PDE1C: variants seen among roughly 807,000 people sequenced by gnomAD.
PDE1C encodes the protein dual specificity calcium/calmodulin-dependent 3',5'-cyclic nucleotide phosphodiesterase 1C.
Under a neutral mutation model 93.1 loss-of-function variants are expected in PDE1C, and 62 were observed. The observed-to-expected ratio is 0.67, with a 90% CI of 0.54 to 0.82. PDE1C has a LOEUF of 0.82. Ranked by LOEUF, PDE1C falls within the 40% of genes least tolerant of loss-of-function variation. The pLI is 0.00. For synonymous variants in PDE1C, 325 were observed against 310.1 expected (o/e 1.05, Z -0.50); for missense variants, 742 against 884.6 (o/e 0.84, Z 2.04).
At chr7:31,633,560 G>C in the PDE1C span, among the ~76,000 whole-genome samples, 3 of 152,176 alleles carry the variant, frequency 2.0e-5, no homozygotes, top group Non-Finnish European at 4.4e-5. Flanking sequence ...ACTGCTCTCT[G>C]GTCTGAACAA....
At position 31,918,312 on chromosome 7, in the gene PDE1C, T is replaced by A. The variant is rs548226010; in HGVS notation, c.129-37452A>T. 8.5e-5 allele frequency among the ~76,000 whole-genome samples: 13 copies of A among 152,318 alleles called. 1 individual carries two copies. The South Asian group carries it at 2.7e-3, about 32-fold the overall frequency. On this transcript the variant is annotated intron_variant, in intron 2 of 17. Transcript: ENST00000396191. ...GTTTTGGAAACAGAATACCTCACACTACACGAATAAAATTTGCAACAAACT... is the reference window on the plus strand; with the variant it reads ...GTTTTGGAAACAGAATACCTCACACAACACGAATAAAATTTGCAACAAACT...
the PDE1C span, among the ~76,000 whole-genome samples, chr7:31,663,060 A>G: frequency 6.6e-6 from 1 of 152,146 alleles, no homozygotes; most frequent in Non-Finnish European, 1.5e-5. Context: ...TGCCACTTAT[A>G]ACTCCCGGTG....
chr7:31,727,538 C>T, the PDE1C span, among the ~76,000 whole-genome samples: 41 of 152,242 alleles, frequency 2.7e-4, no homozygotes, highest in African/African-American at 9.6e-4. Context: ...ATTCCCAAGA[C>T]AAATAGTTGG....
At chr7:31,996,211 T>C (rs567534977) in intron 2 of PDE1C, among the ~76,000 whole-genome samples, 2 of 152,002 alleles carry the variant, frequency 1.3e-5, no homozygotes, top group African/African-American at 2.4e-5. Flanking sequence ...GGAAGAAACA[T>C]CGTGATTACT....
intron 2 of PDE1C, among the ~76,000 whole-genome samples, chr7:31,893,311 G>A (rs993970794): frequency 3.3e-5 from 5 of 152,106 alleles, no homozygotes; most frequent in Admixed American, 6.5e-5. Context: ...ACATCATTTT[G>A]TAATAGCTTT....
rs1369892797 is a variant in PDE1C, at chr7:32,184,381, C to T, written c.137-14425G>A. On this transcript the variant is annotated intron_variant, in intron 2 of 18. Coordinates refer to the PDE1C transcript ENST00000396193. ...TTTATTGCATCACTATTCACAATAG[C>T]AAAGACTTGGAACCAACCCAAATGT... Among the ~76,000 whole-genome samples the T allele has an allele frequency of 5.9e-5, 9 of 152,136 alleles. No homozygotes were observed. The East Asian group carries it at 1.5e-3, about 26-fold the overall frequency.
chr7:31,661,375 T>G, the PDE1C span, among the ~76,000 whole-genome samples: 1 of 152,170 alleles, frequency 6.6e-6, no homozygotes, highest in African/African-American at 2.4e-5. Context: ...TGAGAATCAT[T>G]CACCCCATAG....
chr7:31,760,932 C>T (rs1333578259), intron 17 of PDE1C, among the ~76,000 whole-genome samples: 1 of 152,134 alleles, frequency 6.6e-6, no homozygotes, highest in Non-Finnish European at 1.5e-5. Flanking sequence ...AAGCCCTTAT[C>T]AAAATGCACA....
At chr7:32,414,073 CGTGGTG>C (rs1785225575) in intron 1 of PDE1C, among the ~76,000 whole-genome samples, 1 of 151,482 alleles carries the variant, frequency 6.6e-6, no homozygotes, top group South Asian at 2.1e-4. Flanking sequence ...ATTAGCCAGG[CGTGGTG>C]GTGTGTGCCT....
At chr7:32,045,195 C>A (rs1792380417) in intron 2 of PDE1C, among the ~76,000 whole-genome samples, 1 of 151,784 alleles carries the variant, frequency 6.6e-6, no homozygotes, top group Admixed American at 6.6e-5. Context: ...CTCCATCACT[C>A]CCCTTCCCCC....
intron 2 of PDE1C, among the ~76,000 whole-genome samples, chr7:32,035,085 TA>T (rs1790867325): frequency 6.6e-6 from 1 of 152,070 alleles, no homozygotes; most frequent in Non-Finnish European, 1.5e-5. Flanking sequence ...ACCAACATTT[TA>T]AAGTTCCCCT....
At chr7:31,835,844 C>T (rs1791024480) in intron 11 of PDE1C, among the ~76,000 whole-genome samples, 1 of 152,022 alleles carries the variant, frequency 6.6e-6, no homozygotes, top group Non-Finnish European at 1.5e-5. Context: ...AACACACACA[C>T]ACAGGCACAC....
intron 2 of PDE1C, among the ~76,000 whole-genome samples, chr7:31,991,825 T>C (rs1371262801): frequency 2.6e-5 from 4 of 152,236 alleles, no homozygotes; most frequent in Non-Finnish European, 5.9e-5. Context: ...TTGTTTTATT[T>C]TTCTACTAGT....
At chr7:31,690,058 A>G in the PDE1C span, among the ~76,000 whole-genome samples, 1 of 152,204 alleles carries the variant, frequency 6.6e-6, no homozygotes, top group South Asian at 2.1e-4. Context: ...GGCCTCTGAC[A>G]TGTTTGATTA....
chr7:32,021,798 G>A (rs574406282), intron 2 of PDE1C, among the ~76,000 whole-genome samples: 1 of 152,108 alleles, frequency 6.6e-6, no homozygotes, highest in African/African-American at 2.4e-5. Flanking sequence ...TAGGTTCACA[G>A]AATCCTGGAT....
At chr7:31,692,764 A>G in the PDE1C span, among the ~76,000 whole-genome samples, 6 of 152,186 alleles carry the variant, frequency 3.9e-5, no homozygotes, top group South Asian at 2.1e-4. Context: ...AAAGAGAGAG[A>G]GAGGAAGCAT....
intron 2 of PDE1C, among the ~76,000 whole-genome samples, chr7:32,029,040 A>G (rs1789889471): frequency 6.6e-6 from 1 of 152,162 alleles, no homozygotes; most frequent in Non-Finnish European, 1.5e-5. Flanking sequence ...AAACAATTCA[A>G]TAGCAAAAAA....
intron 3 of PDE1C, among the ~76,000 whole-genome samples, chr7:32,124,734 C>G (rs1271348563): frequency 6.6e-6 from 1 of 152,118 alleles, no homozygotes; most frequent in African/African-American, 2.4e-5. Flanking sequence ...TCAAGATGGA[C>G]TAAAGACTTA....
chr7:32,409,362 G>T lies in PDE1C; in HGVS notation c.310+18460C>A, dbSNP rs535454484. Among the ~76,000 whole-genome samples, 122 of 151,818 alleles carry T rather than the reference G, an allele frequency of 8.0e-4. 2 individuals carry two copies. Among genetic ancestry groups the T allele is most frequent in the Non-Finnish European group, 3.8e-4 (26 of 67,930 alleles). ...GGCAGCAGACAGAGACCCTGTCTCAGAAAAAAGAAAAGAAAAGAGAAAAGA... is the reference window on the plus strand; with the variant it reads ...GGCAGCAGACAGAGACCCTGTCTCATAAAAAAGAAAAGAAAAGAGAAAAGA... On this transcript the variant is annotated intron_variant, in intron 1 of 1. Coordinates refer to the PDE1C transcript ENST00000672256.
Sources: gnomAD v4.1 joint callset for allele counts (sites outside exome capture counted in the v4.1 genomes callset) on GRCh38, gnomAD v4.1.1 for gene constraint, MANE v1.5 for transcripts, NCBI Gene and HGNC (gene_info 2026-07-23, HGNC 2026-07-21) for gene names.